PCGF5: variants seen among roughly 807,000 people sequenced by gnomAD.
PCGF5 encodes the protein polycomb group ring finger 5, also known as polycomb group RING finger protein 5.
In PCGF5, 9 loss-of-function variants were observed where a neutral mutation model predicts 44.3. The observed-to-expected ratio is 0.20, with a 90% CI of 0.12 to 0.35. The LOEUF (loss-of-function observed/expected upper bound fraction) is 0.35. Ranked by LOEUF, PCGF5 falls within the 10% of genes least tolerant of loss-of-function variation. The pLI is 1.00. For missense variants in PCGF5, 146 were observed against 305.3 expected (o/e 0.48, Z 3.89); for synonymous variants, 95 against 102.5 (o/e 0.93, Z 0.44).
At chr10:91,171,558 A>G (rs932401999) in intron 1 of PCGF5, among the ~76,000 whole-genome samples, 2 of 152,150 alleles carry the variant, frequency 1.3e-5, no homozygotes, top group African/African-American at 4.8e-5. Flanking sequence ...TATCACTGAA[A>G]CTGCCAACTC....
intron 3 of PCGF5, among the ~76,000 whole-genome samples, chr10:91,246,625 G>A (rs1216260905): frequency 1.3e-5 from 2 of 152,108 alleles, no homozygotes; most frequent in African/African-American, 4.8e-5. Context: ...TTGAAGGAAT[G>A]GAAGAATTGT....
upstream of PCGF5, among the ~76,000 whole-genome samples, chr10:91,162,308 G>C (rs770783921): frequency 7.3e-5 from 11 of 150,238 alleles, no homozygotes; most frequent in Admixed American, 2.0e-4. Flanking sequence ...GGGGTGGCGG[G>C]GGTGGGGTGG....
At chr10:91,213,353 C>T (rs1469036415) in intron 1 of PCGF5, among the ~76,000 whole-genome samples, 4 of 152,060 alleles carry the variant, frequency 2.6e-5, no homozygotes, top group African/African-American at 4.8e-5. Flanking sequence ...TTTGTATATA[C>T]GTATGCATAA....
intron 8 of PCGF5, among the ~76,000 whole-genome samples, chr10:91,267,644 AATT>A (rs1340911240): frequency 5.3e-5 from 8 of 152,186 alleles, no homozygotes; most frequent in African/African-American, 1.9e-4. Flanking sequence ...TCCAATTACA[AATT>A]ATTATAATAT....
At chr10:91,167,474 A>G (rs1843519955) in intron 1 of PCGF5, among the ~76,000 whole-genome samples, 2 of 152,358 alleles carry the variant, frequency 1.3e-5, no homozygotes, top group South Asian at 2.1e-4. Flanking sequence ...AATTTTGAGC[A>G]AGGCTTAAAA....
chr10:91,175,932 T>C (rs1182585130), intron 1 of PCGF5, among the ~76,000 whole-genome samples: 1 of 152,202 alleles, frequency 6.6e-6, no homozygotes, highest in Non-Finnish European at 1.5e-5. Flanking sequence ...TATTGTTATG[T>C]GTGAATTTGA....
chr10:91,255,374 A>G (rs1372511114), intron 6 of PCGF5, among the ~76,000 whole-genome samples: 1 of 152,058 alleles, frequency 6.6e-6, no homozygotes, highest in Non-Finnish European at 1.5e-5. Flanking sequence ...GTGCATATGT[A>G]GAGTTGTATG....
At chr10:91,234,684 T>C (rs934613975) in intron 2 of PCGF5, among the ~76,000 whole-genome samples, 1 of 152,256 alleles carries the variant, frequency 6.6e-6, no homozygotes, top group African/African-American at 2.4e-5. Context: ...TAATTTATGG[T>C]AAAGCTCACA....
intron 9 of PCGF5, among the ~76,000 whole-genome samples, chr10:91,272,476 A>C (rs534872879): frequency 6.8e-6 from 1 of 146,824 alleles, no homozygotes; most frequent in African/African-American, 2.7e-5. Context: ...AAGACAAAAA[A>C]AAATTATTTT....
chr10:91,214,356 G>A (rs1049490935), intron 1 of PCGF5, among the ~76,000 whole-genome samples: 14 of 151,652 alleles, frequency 9.2e-5, no homozygotes, highest in Non-Finnish European at 7.4e-5. Context: ...AATGTCATGC[G>A]AAGATAGATG....
intron 8 of PCGF5, among the ~76,000 whole-genome samples, chr10:91,271,220 G>T (rs1367590883): frequency 6.6e-6 from 1 of 152,012 alleles, no homozygotes; most frequent in Non-Finnish European, 1.5e-5. Context: ...GTCCCTCCCA[G>T]AGCTCTGATT....
intron 9 of PCGF5, among the ~76,000 whole-genome samples, chr10:91,277,217 A>G (rs1053455957): frequency 6.6e-6 from 1 of 152,200 alleles, no homozygotes; most frequent in Non-Finnish European, 1.5e-5. Flanking sequence ...TAGCATAGCT[A>G]TAGTAAGCAC....
intron 2 of PCGF5, among the ~76,000 whole-genome samples, chr10:91,230,225 A>G (rs1174318677): frequency 2.0e-4 from 30 of 152,220 alleles, no homozygotes; most frequent in Admixed American, 2.0e-3. Context: ...GGTCAGAATG[A>G]GTTGGAACTG....
At chr10:91,196,958 A>G (rs1031667131) in intron 1 of PCGF5, among the ~76,000 whole-genome samples, 1 of 152,134 alleles carries the variant, frequency 6.6e-6, no homozygotes, top group African/African-American at 2.4e-5. Context: ...GAGCCTCCAG[A>G]TTCTTTTTAT....
intron 2 of PCGF5, among the ~76,000 whole-genome samples, chr10:91,236,957 A>G (rs1459913559): frequency 6.6e-6 from 1 of 152,234 alleles, no homozygotes; most frequent in Non-Finnish European, 1.5e-5. Flanking sequence ...TCCTAAAATA[A>G]GGAGTAAGAC....
Position 91,279,465 on chromosome 10 carries a change from G to T in PCGF5, c.*1149G>T, listed in dbSNP as rs942630258. The stretch of plus-strand genomic sequence containing the variant: ...TAAATCCTGTAGTAATTGGGGAAAT[G>T]AGAAGATTATTATTTTATACATGAG... On this transcript the variant is annotated 3_prime_UTR_variant, in exon 10 of 10. Coordinates refer to ENST00000336126, the MANE Select transcript of PCGF5 (RefSeq NM_032373.5). 1 of 152,102 alleles carries T rather than the reference G, an allele frequency of 6.6e-6. No homozygotes were observed. The highest frequency in any genetic ancestry group is 2.4e-5 in the African/African-American group (1 of 41,434). 9.4% of individuals were successfully genotyped at this position (152,102 alleles called of 1,614,324 possible).
chr10:91,271,812 C>CA, intron 9 of PCGF5, 115 bp downstream of exon 9: 1 of 799,676 alleles, frequency 1.3e-6, no homozygotes, highest in East Asian at 2.7e-5. Context: ...ACTGGAGCTA[C>CA]AAAAACTTAT....
In PCGF5 at chr10:91,244,172, G is replaced by A. The variant is rs1006764352; in HGVS notation, c.209+3592G>A. 2.0e-5 allele frequency among the ~76,000 whole-genome samples: 3 copies of A among 152,200 alleles called. No individual in the cohort carries two copies. The East Asian group carries it at 5.8e-4, about 29-fold the overall frequency. On this transcript the variant is annotated intron_variant, in intron 3 of 9. Coordinates refer to ENST00000336126, the MANE Select transcript of PCGF5 (RefSeq NM_032373.5). ...AGAGGAAAGTGTTGTGAGGTGAGGA[G>A]GTCAAGAGTGTGAAGTGGGGGCAGA... is the stretch of plus-strand genomic sequence containing the variant.
intron 9 of PCGF5, among the ~76,000 whole-genome samples, chr10:91,273,837 G>A (rs1345479299): frequency 4.0e-5 from 6 of 149,588 alleles, no homozygotes; most frequent in Non-Finnish European, 8.9e-5. Flanking sequence ...ATTATATAGT[G>A]TATAATATAA....
Sources: allele counts gnomAD v4.1 joint callset (sites outside exome capture counted in the v4.1 genomes callset), GRCh38; gene constraint gnomAD v4.1.1; transcripts MANE v1.5; gene names NCBI Gene and HGNC (gene_info 2026-07-23, HGNC 2026-07-21).